Variants in AGAP1 observed in about 807,000 individuals in gnomAD.
The protein encoded by AGAP1 is arf-GAP with GTPase, ANK repeat and PH domain-containing protein 1.
In AGAP1, 29 loss-of-function variants were observed where a neutral mutation model predicts 105.3. The observed-to-expected ratio is 0.28, with a 90% CI of 0.21 to 0.38. The LOEUF is 0.38. AGAP1 is among the 10% of genes least tolerant of loss of function. AGAP1 has a pLI of 1.00. For missense variants in AGAP1, 998 were observed against 1,165.1 expected, an observed-to-expected ratio of 0.86 and a Z score of 2.09; for synonymous variants, 509 against 485.9, an observed-to-expected ratio of 1.05 and a Z score of -0.63.
In AGAP1 at chr2:235,782,994, T is replaced by A. The variant is rs563846362; in HGVS notation, c.674-14765T>A. ...GTTTGTTTATTTTAGTTTTTAACCT[T>A]TTAGACTACTTTGTGATCGGCAGGA... is the stretch of plus-strand genomic sequence containing the variant. On this transcript the variant is annotated intron_variant, in intron 6 of 17. Coordinates refer to ENST00000304032, the MANE Select transcript of AGAP1 (RefSeq NM_001037131.3). 1.1e-3 allele frequency among the ~76,000 whole-genome samples: 169 copies of A among 151,604 alleles called. 1 individual carries two copies. The highest frequency in any genetic ancestry group is 3.8e-3 in the African/African-American group (158 of 41,246).
Position 235,724,250 on chromosome 2 carries a change from C to T in AGAP1, c.310+6606C>T, listed in dbSNP as rs986599382. The stretch of plus-strand genomic sequence containing the variant: ...GGCCAACAGCCAGCGAGCTCCTGGC[C>T]GGGAGCCTGGTAATGGGGATGGCTG... On this transcript the variant is annotated intron_variant, in intron 3 of 17. Transcript: ENST00000304032. This position sits in a 1 kb window ranked among gnomAD's most constrained non-coding sequence, Gnocchi z 4.9. 1.2e-4 allele frequency among the ~76,000 whole-genome samples: 18 copies of T among 152,216 alleles called. No individual in the cohort carries two copies. The highest frequency in any genetic ancestry group is 1.9e-4 in the East Asian group (1 of 5,196).
At chr2:235,836,784 C>G (rs1362317701) in intron 9 of AGAP1, among the ~76,000 whole-genome samples, 1 of 152,166 alleles carries the variant, frequency 6.6e-6, no homozygotes, top group African/African-American at 2.4e-5. Flanking sequence ...GGTATGTTTT[C>G]TAAAGCTCCC....
chr2:235,547,682 G>A (rs774069423), intron 1 of AGAP1, among the ~76,000 whole-genome samples: 31 of 152,252 alleles, frequency 2.0e-4, no homozygotes, highest in Admixed American at 8.5e-4. Context: ...TAGTAGAGAC[G>A]GGGTTTTGCC....
At chr2:235,686,665 A>ATATATATTTTTT (rs1369766503) in intron 1 of AGAP1, among the ~76,000 whole-genome samples, 5 of 77,500 alleles carry the variant, frequency 6.5e-5, no homozygotes, top group East Asian at 4.5e-4. Flanking sequence ...ATATATATAT[A>ATATATATTTTTT]TTTTTTTTTT....
Position 235,690,731 on chromosome 2 carries a change from G to T in AGAP1, c.164-18448G>T, listed in dbSNP as rs1949696605. ...TCCGGCTATTGGTAGACACCTGTCTGCTTGGGGCAGGTATACTGACTTTTT... is the reference window on the plus strand; with the variant it reads ...TCCGGCTATTGGTAGACACCTGTCTTCTTGGGGCAGGTATACTGACTTTTT... On this transcript the variant is annotated intron_variant, in intron 1 of 17. Coordinates refer to ENST00000304032, the MANE Select transcript of AGAP1 (RefSeq NM_001037131.3). This position sits in a 1 kb window ranked among gnomAD's most constrained non-coding sequence, Gnocchi z 4.1. Among the ~76,000 whole-genome samples, 1 of 152,168 alleles carries T rather than the reference G, an allele frequency of 6.6e-6. No individual in the cohort carries two copies. The highest frequency in any genetic ancestry group is 2.4e-5 in the African/African-American group (1 of 41,444).
At position 235,664,818 on chromosome 2, in the gene AGAP1, G is replaced by T. The variant is rs1373869778; in HGVS notation, c.164-44361G>T. Among the ~76,000 whole-genome samples, 1 of 152,178 alleles carries T rather than the reference G, an allele frequency of 6.6e-6. No individual in the cohort carries two copies. Among genetic ancestry groups the T allele is most frequent in the Non-Finnish European group, 1.5e-5 (1 of 68,046 alleles). ...TGTAATGTGGCAGTTCCCATTCTCA[G>T]AGGATAAAGTACGTGTGAGTGATGC... On this transcript the variant is annotated intron_variant, in intron 1 of 17. Coordinates refer to ENST00000304032, the MANE Select transcript of AGAP1 (RefSeq NM_001037131.3). This position sits in a 1 kb window ranked among gnomAD's most constrained non-coding sequence, Gnocchi z 5.7.
Position 235,792,637 on chromosome 2 carries a change from G to C in AGAP1, c.674-5122G>C, listed in dbSNP as rs1957047463. ...GAAGACGAATTTCTGAGAAACTCTG[G>C]TGGTTGAACCAATCATCTGTTAGGT... On this transcript the variant is annotated intron_variant, in intron 6 of 17. Coordinates refer to ENST00000304032, the MANE Select transcript of AGAP1 (RefSeq NM_001037131.3). The surrounding 1 kb of genome is among the most constrained non-coding windows in gnomAD (Gnocchi z 5.3). Among the ~76,000 whole-genome samples the C allele has an allele frequency of 1.3e-5, 2 of 152,330 alleles. No homozygotes were observed. Among genetic ancestry groups the C allele is most frequent in the Admixed American group, 1.3e-4 (2 of 15,296 alleles).
At chr2:235,525,698 C>T (rs1942808031) in intron 1 of AGAP1, among the ~76,000 whole-genome samples, 1 of 100,628 alleles carries the variant, frequency 9.9e-6, no homozygotes, top group Non-Finnish European at 2.0e-5. Context: ...AGGACTGATG[C>T]ATAATGTGGA....
intron 9 of AGAP1, among the ~76,000 whole-genome samples, chr2:235,816,158 C>T (rs187416017): frequency 3.9e-5 from 6 of 152,330 alleles, no homozygotes; most frequent in Admixed American, 3.3e-4. Flanking sequence ...AAAGATACAG[C>T]TGGGCATAGT....
In AGAP1 at chr2:236,045,349, C is replaced by T. The variant is rs1482881925; in HGVS notation, c.1892-3710C>T. Among the ~76,000 whole-genome samples, 5 of 152,266 alleles carry T rather than the reference C, an allele frequency of 3.3e-5. No homozygotes were observed. The highest frequency in any genetic ancestry group is 9.6e-5 in the African/African-American group (4 of 41,562). Reference sequence around the variant, plus strand: ...CCAGTGTGTTAATATTGGTTGAATACGTGAAGGAACAGATGTAATTACAGC... The same window carrying T: ...CCAGTGTGTTAATATTGGTTGAATATGTGAAGGAACAGATGTAATTACAGC... On this transcript the variant is annotated intron_variant, in intron 15 of 17. Transcript: ENST00000304032. The surrounding 1 kb of genome is among the most constrained non-coding windows in gnomAD (Gnocchi z 6.9).
Position 235,824,131 on chromosome 2 carries a change from C to T in AGAP1, c.1050+16800C>T, listed in dbSNP as rs1393511969. Reference sequence around the variant, plus strand: ...TGTTAAAAATTCAGGCACAGGACTACACCCAGGGACTACTGCAGAAACGTT... The same window carrying T: ...TGTTAAAAATTCAGGCACAGGACTATACCCAGGGACTACTGCAGAAACGTT... On this transcript the variant is annotated intron_variant, in intron 9 of 17. Transcript: ENST00000304032. This position sits in a 1 kb window ranked among gnomAD's most constrained non-coding sequence, Gnocchi z 5.2. Among the ~76,000 whole-genome samples the T allele has an allele frequency of 2.0e-5, 3 of 152,250 alleles. No homozygotes were observed. Among genetic ancestry groups the T allele is most frequent in the African/African-American group, 7.2e-5 (3 of 41,466 alleles).
At position 236,027,570 on chromosome 2, in the gene AGAP1, C is replaced by T. The variant is rs555280937; in HGVS notation, c.1646-8991C>T. Among the ~76,000 whole-genome samples the T allele has an allele frequency of 2.0e-4, 31 of 152,226 alleles. No individual in the cohort carries two copies. In the East Asian group the frequency reaches 3.9e-3, roughly 19 times the overall value. Reference sequence around the variant, plus strand: ...CCCCTCCAGGTGTCCCAGATGTTTGCATCACAGTTCAGCCCTGGTCCCCAT... The same window carrying T: ...CCCCTCCAGGTGTCCCAGATGTTTGTATCACAGTTCAGCCCTGGTCCCCAT... On this transcript the variant is annotated intron_variant, in intron 13 of 17. Coordinates refer to ENST00000304032, the MANE Select transcript of AGAP1 (RefSeq NM_001037131.3). The surrounding 1 kb of genome is among the most constrained non-coding windows in gnomAD (Gnocchi z 4.4).
intron 11 of AGAP1, among the ~76,000 whole-genome samples, chr2:235,912,274 G>T (rs1212575541): frequency 6.6e-6 from 1 of 152,164 alleles, no homozygotes; most frequent in Non-Finnish European, 1.5e-5. Context: ...AGTTTCTTGT[G>T]CTAAAATCAT....
At position 236,002,915 on chromosome 2, in the gene AGAP1, C is replaced by T. The variant is rs1050381685; in HGVS notation, c.1646-33646C>T. On this transcript the variant is annotated intron_variant, in intron 13 of 17. Transcript: ENST00000304032. This position sits in a 1 kb window ranked among gnomAD's most constrained non-coding sequence, Gnocchi z 4.3. ...TGTGTGTGAACAGGAGGGCCGGGGT[C>T]GCTGGGTTCCAGGCGCAGCCATGAG... 2.6e-5 allele frequency among the ~76,000 whole-genome samples: 4 copies of T among 152,154 alleles called. No individual in the cohort carries two copies. Among genetic ancestry groups the T allele is most frequent in the East Asian group, 1.9e-4 (1 of 5,170 alleles).
At chr2:235,880,663 C>T (rs1389420872) in intron 9 of AGAP1, among the ~76,000 whole-genome samples, 1 of 151,552 alleles carries the variant, frequency 6.6e-6, no homozygotes, top group East Asian at 1.9e-4. Context: ...TCACTTGAAC[C>T]TGGGAGGCGG....
intron 8 of AGAP1, among the ~76,000 whole-genome samples, chr2:235,804,013 A>G (rs563649170): frequency 6.6e-6 from 1 of 152,350 alleles, no homozygotes; most frequent in Admixed American, 6.5e-5. Flanking sequence ...ACATACAGAA[A>G]TAAACACGTG....
Position 235,753,705 on chromosome 2 carries a change from C to CA in AGAP1, c.673+3231dup, listed in dbSNP as rs544297558. ...TGGGTGACAGAGCGAGACTCTGTCT[C>CA]AAAAAAAAAAAAAAGTAGGATTTTA... is the stretch of plus-strand genomic sequence containing the variant. On this transcript the variant is annotated intron_variant, in intron 6 of 17. Transcript: ENST00000304032. The surrounding 1 kb of genome is among the most constrained non-coding windows in gnomAD (Gnocchi z 4.5). 0.012 allele frequency among the ~76,000 whole-genome samples: 1,406 copies of CA among 114,122 alleles called. 19 individuals are homozygous for CA. Among genetic ancestry groups the CA allele is most frequent in the African/African-American group, 0.034 (1,054 of 30,886 alleles). 74.9% of individuals were successfully genotyped at this position (114,122 alleles called of 152,430 possible).
rs1329123739 is a variant in AGAP1 at position 236,040,300 on chromosome 2, G to A, written c.1801-451G>A. Among the ~76,000 whole-genome samples, 1 of 152,052 alleles carries A rather than the reference G, an allele frequency of 6.6e-6. No homozygotes were observed. The highest frequency in any genetic ancestry group is 1.5e-5 in the Non-Finnish European group (1 of 68,010). ...CCAGGGTGACGTGTGGTATGAATGG[G>A]GTTTTCTGACAAGGAACCATGAGAT... On this transcript the variant is annotated intron_variant, in intron 14 of 17. Transcript: ENST00000304032. The surrounding 1 kb of genome is among the most constrained non-coding windows in gnomAD (Gnocchi z 5.6).
At chr2:235,884,104 G>T (rs1047539313) in intron 10 of AGAP1, among the ~76,000 whole-genome samples, 4 of 152,096 alleles carry the variant, frequency 2.6e-5, no homozygotes. Flanking sequence ...TTAAAGTTGG[G>T]GTGTTCTAGT....
Sources: gnomAD v4.1 joint callset for allele counts (sites outside exome capture counted in the v4.1 genomes callset) on GRCh38, gnomAD v4.1.1 for gene constraint, Gnocchi (gnomAD v3.1) non-coding constraint, MANE v1.5 for transcripts, NCBI Gene and HGNC (gene_info 2026-07-23, HGNC 2026-07-21) for gene names.